The following GUCY1B1 variants were observed in gnomAD, a reference collection of about 807,000 sequenced individuals.
GUCY1B1 encodes the protein guanylate cyclase 1 soluble subunit beta 1.
Under a neutral mutation model 71.0 loss-of-function variants are expected in GUCY1B1, and 43 were observed. The observed-to-expected ratio is 0.61, with a 90% CI of 0.47 to 0.78. GUCY1B1 has a LOEUF of 0.78. GUCY1B1 is among the 30% of genes least tolerant of loss of function. GUCY1B1 has a pLI of 0.00. For missense variants in GUCY1B1, 535 were observed against 754.1 expected, an observed-to-expected ratio of 0.71 and a Z score of 3.40; for synonymous variants, 266 against 259.7, an observed-to-expected ratio of 1.02 and a Z score of -0.23.
At chr4:155,806,158 G>C (rs190120922) in intron 13 of GUCY1B1, among the ~76,000 whole-genome samples, 10 of 152,182 alleles carry the variant, frequency 6.6e-5, no homozygotes, top group Non-Finnish European at 1.5e-4. Context: ...CCTATGAGGT[G>C]GACATGCTTA....
chr4:155,795,669 T>C (rs547882162), intron 7 of GUCY1B1, among the ~76,000 whole-genome samples: 1 of 152,244 alleles, frequency 6.6e-6, no homozygotes, highest in South Asian at 2.1e-4. Context: ...CAGAGGTAAA[T>C]TTTAGAGACT....
chr4:155,795,031 TA>T (rs1739449902), intron 6 of GUCY1B1, among the ~76,000 whole-genome samples: 1 of 152,168 alleles, frequency 6.6e-6, no homozygotes. Flanking sequence ...CTGTACATTT[TA>T]AAAGATAAAT....
chr4:155,786,861 C>CG (rs966574260), intron 4 of GUCY1B1, among the ~76,000 whole-genome samples: 51 of 151,574 alleles, frequency 3.4e-4, no homozygotes, highest in South Asian at 1.9e-3. Flanking sequence ...TGCCTGCCTC[C>CG]GCCTCCCAAA....
At chr4:155,774,168 G>A (rs551966372) in intron 2 of GUCY1B1, among the ~76,000 whole-genome samples, 1 of 152,158 alleles carries the variant, frequency 6.6e-6, no homozygotes, top group Non-Finnish European at 1.5e-5. Context: ...GTAAATGGCA[G>A]TTATCCCAAC....
rs1300214077 is a variant in GUCY1B1 at position 155,807,418 on chromosome 4, C to G, written c.*1009C>G. The G allele has an allele frequency of 2.6e-5, 4 of 152,106 alleles. No individual in the cohort carries two copies. The South Asian group carries it at 8.3e-4, about 32-fold the overall frequency. 9.4% of individuals were successfully genotyped at this position (152,106 alleles called of 1,614,324 possible). On this transcript the variant is annotated 3_prime_UTR_variant, in exon 14 of 14. Transcript: ENST00000264424. Reference sequence around the variant, plus strand: ...CTGTTGGAATAATTGGCCTCTAGCTCTTAAATGTCTCTGATAACTTATTAA... The same window carrying G: ...CTGTTGGAATAATTGGCCTCTAGCTGTTAAATGTCTCTGATAACTTATTAA...
intron 3 of GUCY1B1, 132 bp from the exon 4 acceptor site, chr4:155,777,392 A>T: frequency 1.6e-6 from 1 of 615,592 alleles, no homozygotes; most frequent in African/African-American, 1.8e-5. Context: ...TTTTTTTCAT[A>T]TGATCTATGC....
intron 2 of GUCY1B1, among the ~76,000 whole-genome samples, chr4:155,762,041 G>T (rs1737029733): frequency 6.6e-6 from 1 of 152,202 alleles, no homozygotes; most frequent in Non-Finnish European, 1.5e-5. Flanking sequence ...AGAGAACATG[G>T]TTGAACTCTC....
intron 3 of GUCY1B1, among the ~76,000 whole-genome samples, chr4:155,775,605 C>T (rs1737989983): frequency 6.6e-6 from 1 of 152,086 alleles, no homozygotes; most frequent in African/African-American, 2.4e-5. Context: ...AGTCCTTTGT[C>T]TCCCCCAACA....
chr4:155,798,593 A>G (rs1276526910), intron 8 of GUCY1B1, among the ~76,000 whole-genome samples: 1 of 152,152 alleles, frequency 6.6e-6, no homozygotes, highest in Non-Finnish European at 1.5e-5. Context: ...TGCTTTATGA[A>G]CATTGCTGCT....
chr4:155,765,032 TA>T (rs200993345), intron 2 of GUCY1B1, among the ~76,000 whole-genome samples: 13 of 149,988 alleles, frequency 8.7e-5, no homozygotes, highest in African/African-American at 1.9e-4. Flanking sequence ...TTTTGAGAAT[TA>T]AAAAAAAAAT....
rs570906448 is a variant in GUCY1B1 at position 155,774,857 on chromosome 4, C to T, written c.78-111C>T. On this transcript the variant is annotated intron_variant, in intron 2 of 13. Transcript: ENST00000264424. ...GTTTAAACAAATTTGCCCAAAAAAA[C>T]CAAATTCTATTTCAGAGATAAAGCC... 7.1e-6 allele frequency: 5 copies of T among 707,776 alleles called. No homozygotes were observed. In the Admixed American group the frequency reaches 1.3e-4, roughly 18 times the overall value. 43.8% of individuals were successfully genotyped at this position (707,776 alleles called of 1,614,324 possible). A position where few individuals can be genotyped will look rare whatever the true frequency, so the allele number is the denominator to read the frequency against.
At chr4:155,759,926 C>A in intron 2 of GUCY1B1, 66 bp downstream of exon 2, 2 of 1,190,522 alleles carry the variant, frequency 1.7e-6, no homozygotes, top group East Asian at 2.4e-5. Context: ...CCCCGCGCCT[C>A]GCCTGGTCCT....
At chr4:155,766,376 A>T (rs1247951516) in intron 2 of GUCY1B1, among the ~76,000 whole-genome samples, 6 of 152,188 alleles carry the variant, frequency 3.9e-5, no homozygotes, top group African/African-American at 1.4e-4. Flanking sequence ...TACATTGTGA[A>T]ATAATCACTG....
intron 4 of GUCY1B1, among the ~76,000 whole-genome samples, chr4:155,786,271 C>CCT (rs766636569): frequency 1.6e-5 from 2 of 123,796 alleles, no homozygotes; most frequent in African/African-American, 6.5e-5. Flanking sequence ...GTTCAATTTC[C>CCT]TTTTTTTTTT....
intron 2 of GUCY1B1, among the ~76,000 whole-genome samples, chr4:155,766,727 G>C (rs925724583): frequency 6.6e-6 from 1 of 152,092 alleles, no homozygotes. Flanking sequence ...ACAATTACTA[G>C]ATTGGATTCA....
rs1740004189 is a variant in GUCY1B1, at chr4:155,802,262, C to T, written c.1176-80C>T. 6.3e-7 allele frequency: 1 copy of T among 1,584,042 alleles called. No homozygotes were observed. Among genetic ancestry groups the T allele is most frequent in the East Asian group, 2.3e-5 (1 of 43,840 alleles). On this transcript the variant is annotated intron_variant, in intron 9 of 13. Coordinates refer to ENST00000264424, the MANE Select transcript of GUCY1B1 (RefSeq NM_000857.5). This position sits in a 1 kb window ranked among gnomAD's most constrained non-coding sequence, Gnocchi z 4.3. Reference sequence around the variant, plus strand: ...CTTTAAAGTACAAACGACACTGATGCTGTGTGAAAAGGACAGCAGAAGCAC... The same window carrying T: ...CTTTAAAGTACAAACGACACTGATGTTGTGTGAAAAGGACAGCAGAAGCAC...
chr4:155,801,046 T>C (rs1739917059), intron 9 of GUCY1B1, among the ~76,000 whole-genome samples: 1 of 152,208 alleles, frequency 6.6e-6, no homozygotes, highest in African/African-American at 2.4e-5. Flanking sequence ...CTTTAAATTA[T>C]GACATATGCA....
chr4:155,804,051 T>A (rs1740141573), intron 11 of GUCY1B1, among the ~76,000 whole-genome samples: 1 of 152,204 alleles, frequency 6.6e-6, no homozygotes, highest in African/African-American at 2.4e-5. Context: ...ATGTCTCATG[T>A]AAGTTACTAG....
intron 2 of GUCY1B1, among the ~76,000 whole-genome samples, chr4:155,774,446 C>G (rs1371915614): frequency 6.6e-6 from 1 of 152,172 alleles, no homozygotes; most frequent in Non-Finnish European, 1.5e-5. Context: ...TGTCCTTGAG[C>G]TCTCCACTGC....
Sources: gnomAD v4.1 joint callset for allele counts (sites outside exome capture counted in the v4.1 genomes callset) on GRCh38, gnomAD v4.1.1 for gene constraint, Gnocchi (gnomAD v3.1) non-coding constraint, MANE v1.5 for transcripts, NCBI Gene and HGNC (gene_info 2026-07-23, HGNC 2026-07-21) for gene names.